Variants in TTN observed in about 807,000 individuals in gnomAD.
TTN encodes titin.
TTN carries 1,525 observed loss-of-function variants against 3,223.0 expected under a neutral mutation model. That is an observed-to-expected ratio of 0.47 (90% CI 0.45 to 0.49). TTN has a LOEUF of 0.49. TTN is among the 20% of genes least tolerant of loss of function. TTN has a pLI of 0.00. For synonymous variants in TTN, 14,094 were observed against 15,161.0 expected (o/e 0.93, Z 5.17); for missense variants, 40,786 against 43,424.0 (o/e 0.94, Z 5.40).
At position 178,712,242 on chromosome 2, in the gene TTN, T is replaced by C. The variant is rs1308835447; in HGVS notation, c.27608-20A>G. 1.2e-6 allele frequency: 2 copies of C among 1,610,540 alleles called. No individual in the cohort carries two copies. Among genetic ancestry groups the C allele is most frequent in the South Asian group, 1.1e-5 (1 of 90,784 alleles). On this transcript the variant is annotated intron_variant, in intron 95 of 362. Transcript: ENST00000589042. ...GTGGTTCTGCAGCCAAGAGAGATAATCAATCAGTCATGAAGGAGACATGCC... is the reference window on the plus strand; with the variant it reads ...GTGGTTCTGCAGCCAAGAGAGATAACCAATCAGTCATGAAGGAGACATGCC...
chr2:178,573,677 C>G lies in TTN; in HGVS notation c.72455G>C (p.Gly24152Ala). 6.6e-7 allele frequency: 1 copy of G among 1,516,620 alleles called. No homozygotes were observed. The highest frequency in any genetic ancestry group is 8.8e-7 in the Non-Finnish European group (1 of 1,134,266). 93.9% of individuals were successfully genotyped at this position (1,516,620 alleles called of 1,614,324 possible). ...LSWFPPLDDG[G>A]AKIDHYIVQK... ...TACTATGTAATGATCAATTTTGGCA[C>G]CTCCATCATCCAGTGGAGGGAACCA... The change falls in exon 326 of 363, where the codon GGT becomes GCT. Residue 24152 changes from glycine to alanine, a missense_variant. Gly to Ala is a moderately conservative substitution (Grantham distance 60, BLOSUM62 0). Coordinates refer to ENST00000589042, the MANE Select transcript of TTN (RefSeq NM_001267550.2).
chr2:178,553,783 A>T lies in TTN; in HGVS notation c.89222T>A (p.Ile29741Lys), dbSNP rs994680651. 1 of 1,602,430 alleles carries T rather than the reference A, an allele frequency of 6.2e-7. No individual in the cohort carries two copies. Among genetic ancestry groups the T allele is most frequent in the African/African-American group, 1.3e-5 (1 of 74,706 alleles). ...TGACTTGGTTGAATCTGCGATTCTT[A>T]TCTTAGCAGGTGGACCTGGAGGATC... ...PIDPPGPPAK[I>K]RIADSTKSSI... The change falls in exon 334 of 363, where the codon ATA (isoleucine) becomes AAA (lysine). Residue 29741 changes from isoleucine (I) to lysine (K), a missense_variant. Transcript: ENST00000589042.
chr2:178,783,359 A>T (rs1435477174), intron 17 of TTN, among the ~76,000 whole-genome samples: 1 of 152,176 alleles, frequency 6.6e-6, no homozygotes, highest in Non-Finnish European at 1.5e-5. Flanking sequence ...TGTGATGTTT[A>T]TCACCTTATA....
At chr2:178,722,157 A>G (rs2078485325) in intron 77 of TTN, 23 bp from the exon 78 acceptor site, 3 of 1,534,520 alleles carry the variant, frequency 2.0e-6, no homozygotes, top group South Asian at 1.3e-5. Context: ...AAGAAAGGCA[A>G]TGTGTATTTT....
rs767535909 is a variant in TTN, at chr2:178,718,464, A to T, written c.24642T>A (p.Ser8214=). ...CTGTCATAGTAATACTGCATCTCTC[A>T]GATTGTGAAATAAGATACTCGTCCT... is the stretch of plus-strand genomic sequence containing the variant. ...WIKDEYLISQ[S]ERCSITMTEK... is the part of the protein sequence containing the mutation. The change falls in exon 85 of 363, where the codon TCT becomes TCA. Residue 8214 remains serine (S), a synonymous_variant. Transcript: ENST00000589042. 1.2e-6 allele frequency: 2 copies of T among 1,613,752 alleles called. No individual in the cohort carries two copies. The highest frequency in any genetic ancestry group is 8.5e-7 in the Non-Finnish European group (1 of 1,179,738).
chr2:178,735,612 A>G lies in TTN; in HGVS notation c.14834T>C (p.Leu4945Pro). 6.2e-7 allele frequency: 1 copy of G among 1,613,614 alleles called. No individual in the cohort carries two copies. Among genetic ancestry groups the G allele is most frequent in the Admixed American group, 1.7e-5 (1 of 59,994 alleles). The change falls in exon 50 of 363, where the codon CTT becomes CCT. Residue 4945 changes from leucine (L) to proline (P), a missense_variant. Coordinates refer to ENST00000589042, the MANE Select transcript of TTN (RefSeq NM_001267550.2). ...TTTCAGTTTGGCCAAAGGAATCTCA[A>G]GTGTTGCTATTTTATCTTCAAAACA... is the stretch of plus-strand genomic sequence containing the variant. The part of the protein sequence containing the change: ...KICFEDKIAT[L>P]EIPLAKLKDS...
In TTN at chr2:178,611,560, T is replaced by G. The variant is rs752204728; in HGVS notation, c.50669A>C (p.Glu16890Ala). The G allele has an allele frequency of 3.5e-5, 57 of 1,612,926 alleles. No individual in the cohort carries two copies. In the Admixed American group the frequency reaches 9.0e-4, roughly 25 times the overall value. ...GGSPIIGYHV[E>A]MCPVGTEKWM... ...TTTCTCAGTGCCTACTGGACACATT[T>G]CAACATGGTATCCTATGATAGGACT... Residue 16890 changes from glutamate to alanine, a missense_variant, in exon 269 of 363, where the codon GAA (glutamate) becomes GCA (alanine). Physicochemically the swap from Glu to Ala is moderately radical, Grantham distance 107 (BLOSUM62 -1). Transcript: ENST00000589042.
At position 178,720,214 on chromosome 2, in the gene TTN, C is replaced by A; in HGVS notation, c.23428G>T (p.Asp7810Tyr). Residue 7810 changes from aspartate to tyrosine, a missense_variant, in exon 81 of 363, where the codon GAT (aspartate) becomes TAT (tyrosine). Physicochemically the swap from Asp to Tyr is radical, Grantham distance 160. Coordinates refer to ENST00000589042, the MANE Select transcript of TTN (RefSeq NM_001267550.2). ...ACTATGGCCCGTAACTCAACAGCATCCCCAATAAGGGTTGAGGTGTCACTT... is the reference window on the plus strand; with the variant it reads ...ACTATGGCCCGTAACTCAACAGCATACCCAATAAGGGTTGAGGTGTCACTT... The part of the protein sequence containing the change: ...KLSDTSTLIG[D>Y]AVELRAIVEG... 6.2e-7 allele frequency: 1 copy of A among 1,613,542 alleles called. No homozygotes were observed. The highest frequency in any genetic ancestry group is 2.2e-5 in the East Asian group (1 of 44,870).
At position 178,563,721 on chromosome 2, in the gene TTN, C is replaced by A; in HGVS notation, c.82411G>T (p.Gly27471Cys). 2 of 1,613,732 alleles carry A rather than the reference C, an allele frequency of 1.2e-6. No individual in the cohort carries two copies. Among genetic ancestry groups the A allele is most frequent in the East Asian group, 2.2e-5 (1 of 44,840 alleles). Residue 27471 changes from glycine (G) to cysteine (C), a missense_variant, in exon 326 of 363, where the codon GGT (glycine) becomes TGT (cysteine). Gly to Cys is a radical substitution (Grantham distance 159). Transcript: ENST00000589042. The surrounding 1 kb of genome is among the most constrained non-coding windows in gnomAD (Gnocchi z 4.5). The stretch of plus-strand genomic sequence containing the variant: ...GAGACTTCAGGTGTTGAGGGAGGAC[C>A]TGGTGGCTTATAAGGATTACAGGCC... ...VTACNPYKPPGPPSTPEVSAI... is the reference protein window; with the variant it reads ...VTACNPYKPPCPPSTPEVSAI...
At chr2:178,690,579 A>C (rs1426201415) in intron 121 of TTN, among the ~76,000 whole-genome samples, 1 of 152,120 alleles carries the variant, frequency 6.6e-6, no homozygotes, top group East Asian at 1.9e-4. Flanking sequence ...TATTTGATTT[A>C]TCTATTCTAA....
chr2:178,702,113 G>A, intron 108 of TTN, 47 bp from the exon 109 acceptor site: 1 of 1,613,406 alleles, frequency 6.2e-7, no homozygotes, highest in Non-Finnish European at 8.5e-7. Flanking sequence ...GAATGGTATA[G>A]GTAGGCTACG....
rs764007613 is a variant in TTN, at chr2:178,671,148, G to T, written c.35250C>A (p.Ile11750=). Residue 11750 remains isoleucine (I), a synonymous_variant, in exon 156 of 363, where the codon ATC becomes ATA. Transcript: ENST00000589042. ...PPKGPEISEK[I]IPPKKPPTKV... is the part of the protein sequence containing the mutation. Reference sequence around the variant, plus strand: ...TAGTGGGCGGTTTTTTTGGAGGGATGATTTTCTCAGATATCTCAGGCCCTT... The same window carrying T: ...TAGTGGGCGGTTTTTTTGGAGGGATTATTTTCTCAGATATCTCAGGCCCTT... 1.4e-5 allele frequency: 22 copies of T among 1,602,754 alleles called. No individual in the cohort carries two copies. In the East Asian group the frequency reaches 4.5e-4, roughly 33 times the overall value.
rs111671438 is a variant in TTN at position 178,698,879 on chromosome 2, C to A, written c.30718G>T (p.Val10240Phe). ...GTCATCTCTTTGGGCTTTGCAACAA[C>A]TTTTTTGGCATCTTTCTTCACAGCC... is the stretch of plus-strand genomic sequence containing the variant. The part of the protein sequence containing the change: ...KKAVKKDAKK[V>F]VAKPKEMTPR... The change falls in exon 112 of 363, where the codon GTT (valine) becomes TTT (phenylalanine). Residue 10240 changes from valine (V) to phenylalanine (F), a missense_variant. Coordinates refer to ENST00000589042, the MANE Select transcript of TTN (RefSeq NM_001267550.2). The A allele has an allele frequency of 1.9e-3, 2,971 of 1,526,754 alleles. 5 individuals carry two copies. Among genetic ancestry groups the A allele is most frequent in the Non-Finnish European group, 2.5e-3 (2,814 of 1,140,172 alleles). 94.6% of individuals were successfully genotyped at this position (1,526,754 alleles called of 1,614,324 possible). A position where few individuals can be genotyped will look rare whatever the true frequency, so the allele number is the denominator to read the frequency against.
chr2:178,593,127 C>G, intron 299 of TTN, 44 bp from the exon 300 acceptor site: 2 of 1,610,158 alleles, frequency 1.2e-6, no homozygotes, highest in South Asian at 2.2e-5. Flanking sequence ...TAGCTGAAAA[C>G]AAAGTTAGAT....
rs373302409 is a variant in TTN at position 178,740,420 on chromosome 2, G to C, written c.12813C>G (p.His4271Gln). ...LILSQSLAEG[H>Q]VESLQSPDVM... ...CATCAGGACTCTGGAGACTCTCCAC[G>C]TGTCCCTCAGCTAAGCTCTGACTCA... is the stretch of plus-strand genomic sequence containing the variant. Residue 4271 changes from histidine to glutamine, a missense_variant, in exon 48 of 363, where the codon CAC becomes CAG. Physicochemically the swap from His to Gln is conservative, Grantham distance 24. Coordinates refer to ENST00000589042, the MANE Select transcript of TTN (RefSeq NM_001267550.2). 1 of 1,613,168 alleles carries C rather than the reference G, an allele frequency of 6.2e-7. No homozygotes were observed. The highest frequency in any genetic ancestry group is 8.5e-7 in the Non-Finnish European group (1 of 1,179,514).
chr2:178,699,388 T>C (rs930025789), intron 111 of TTN, among the ~76,000 whole-genome samples: 1 of 8,520 alleles, frequency 1.2e-4, no homozygotes, highest in African/African-American at 6.5e-4. Flanking sequence ...ACACTCTTTT[T>C]TTTTTTTTTT....
Position 178,649,286 on chromosome 2 carries a change from A to G in TTN, c.40019T>C (p.Val13340Ala). Reference sequence around the variant, plus strand: ...AACTTCTGGTTTTTTGGTAACAGGCACAGGTTCTTTCTTTACTGGAACAAG... The same window carrying G: ...AACTTCTGGTTTTTTGGTAACAGGCGCAGGTTCTTTCTTTACTGGAACAAG... ...KKLVPVKKEPVPVTKKPEVLP... is the reference protein window; with the variant it reads ...KKLVPVKKEPAPVTKKPEVLP... The change falls in exon 213 of 363, where the codon GTG becomes GCG. Residue 13340 changes from valine (V) to alanine (A), a missense_variant. Val to Ala is a moderately conservative substitution (Grantham distance 64, BLOSUM62 0). Transcript: ENST00000589042. The G allele has an allele frequency of 4.0e-6, 6 of 1,491,928 alleles. No individual in the cohort carries two copies. Among genetic ancestry groups the G allele is most frequent in the Non-Finnish European group, 5.3e-6 (6 of 1,127,338 alleles). The allele number at this position is 1,491,928 out of a possible 1,614,324, so 92.4% of individuals were successfully genotyped here.
intron 145 of TTN, 86 bp downstream of exon 145, chr2:178,678,039 A>T: frequency 6.4e-7 from 1 of 1,554,374 alleles, no homozygotes; most frequent in Non-Finnish European, 8.7e-7. Flanking sequence ...ATCAACATAA[A>T]TACTAAGCAT....
At position 178,734,380 on chromosome 2, in the gene TTN, A is replaced by C. The variant is rs1470426834; in HGVS notation, c.15444T>G (p.Val5148=). The change falls in exon 52 of 363, where the codon GTT becomes GTG. Residue 5148 remains valine (V), a synonymous_variant. Coordinates refer to ENST00000589042, the MANE Select transcript of TTN (RefSeq NM_001267550.2). ...CACACTTGCCGACTTCATTAGCAAC[A>C]ACACATTCATATTCACCAACATCTG... ...NSADVGEYEC[V]VANEVGKCGC... 6.2e-7 allele frequency: 1 copy of C among 1,612,010 alleles called. No individual in the cohort carries two copies. The highest frequency in any genetic ancestry group is 1.1e-5 in the South Asian group (1 of 90,824).
Sources: allele counts gnomAD v4.1 joint callset (sites outside exome capture counted in the v4.1 genomes callset), GRCh38; gene constraint gnomAD v4.1.1; non-coding constraint Gnocchi (gnomAD v3.1); transcripts MANE v1.5; gene names NCBI Gene and HGNC (gene_info 2026-07-23, HGNC 2026-07-21).